The following CFAP20DC variants were observed in gnomAD, a reference collection of about 807,000 sequenced individuals.
The protein encoded by CFAP20DC is CFAP20 domain containing.
Under a neutral mutation model 101.7 loss-of-function variants are expected in CFAP20DC, and 84 were observed. The observed-to-expected ratio is 0.83, with a 90% CI of 0.69 to 0.99. CFAP20DC has a LOEUF of 0.99. Among genes scored for constraint, CFAP20DC ranks in the 50% least tolerant of loss-of-function variants. CFAP20DC has a pLI of 0.00. For missense variants in CFAP20DC, 1,007 were observed against 970.3 expected (o/e 1.04, Z -0.50); for synonymous variants, 359 against 351.2 (o/e 1.02, Z -0.25).
At chr3:58,941,964 A>G (rs2088667617) in intron 4 of CFAP20DC, among the ~76,000 whole-genome samples, 1 of 152,218 alleles carries the variant, frequency 6.6e-6, no homozygotes, top group South Asian at 2.1e-4. Context: ...ACAGGGAGAA[A>G]GTGTTCATTA....
chr3:58,755,737 T>C (rs960654977), intron 15 of CFAP20DC, among the ~76,000 whole-genome samples: 3 of 152,180 alleles, frequency 2.0e-5, no homozygotes, highest in African/African-American at 7.2e-5. Flanking sequence ...AGAACTACTG[T>C]ATATCCTTCA....
intron 4 of CFAP20DC, among the ~76,000 whole-genome samples, chr3:58,957,352 C>G (rs1016552424): frequency 2.6e-5 from 4 of 152,146 alleles, no homozygotes; most frequent in Non-Finnish European, 5.9e-5. Flanking sequence ...TAGGCAATAA[C>G]AAATGCTATC....
At chr3:58,819,440 TA>T (rs1222686865) in intron 14 of CFAP20DC, among the ~76,000 whole-genome samples, 4 of 149,878 alleles carry the variant, frequency 2.7e-5, no homozygotes, top group Non-Finnish European at 5.9e-5. Context: ...ATAGACACAA[TA>T]AAAAATGATA....
At chr3:58,901,759 A>C (rs1246917721) in intron 6 of CFAP20DC, among the ~76,000 whole-genome samples, 1 of 152,204 alleles carries the variant, frequency 6.6e-6, no homozygotes, top group African/African-American at 2.4e-5. Flanking sequence ...TGCTTTATTG[A>C]AGAGAAATTC....
chr3:59,004,451 T>C (rs1299670685), intron 4 of CFAP20DC, among the ~76,000 whole-genome samples: 1 of 152,148 alleles, frequency 6.6e-6, no homozygotes, highest in Non-Finnish European at 1.5e-5. Context: ...CCCTCTAGCA[T>C]TTACAGATAA....
intron 4 of CFAP20DC, among the ~76,000 whole-genome samples, chr3:58,945,388 G>C (rs2089204037): frequency 6.6e-6 from 1 of 152,104 alleles, no homozygotes; most frequent in Non-Finnish European, 1.5e-5. Flanking sequence ...CACAGTTCAT[G>C]TTTACCTTTT....
At chr3:58,822,772 T>C (rs971445492) in intron 14 of CFAP20DC, among the ~76,000 whole-genome samples, 1 of 152,174 alleles carries the variant, frequency 6.6e-6, no homozygotes, top group Non-Finnish European at 1.5e-5. Context: ...TGGATATTGA[T>C]GGAGTTCAGG....
Position 59,016,552 on chromosome 3 carries a change from GAAAT to G in CFAP20DC, c.278+23001_278+23004del, listed in dbSNP as rs374672034. ...GGATTGTGAATGTTTATTATACAAA[GAAAT>G]AATAAATGAGGTGATGAGTGTTAAT... is the stretch of plus-strand genomic sequence containing the variant. On this transcript the variant is annotated intron_variant, in intron 4 of 16. Coordinates refer to ENST00000482387, the MANE Select transcript of CFAP20DC (RefSeq NM_001394063.1). Among the ~76,000 whole-genome samples, 142 of 152,234 alleles carry G rather than the reference GAAAT, an allele frequency of 9.3e-4. 6 individuals carry two copies. In the South Asian group the frequency reaches 0.029, roughly 31 times the overall value.
At chr3:58,784,906 C>T (rs562007735) in intron 15 of CFAP20DC, among the ~76,000 whole-genome samples, 13 of 152,012 alleles carry the variant, frequency 8.6e-5, no homozygotes, top group Non-Finnish European at 1.0e-4. Context: ...AACTACCATT[C>T]GATCCAGCAA....
intron 15 of CFAP20DC, among the ~76,000 whole-genome samples, chr3:58,802,019 C>A (rs562313216): frequency 6.6e-6 from 1 of 152,258 alleles, no homozygotes; most frequent in Non-Finnish European, 1.5e-5. Flanking sequence ...TTCCTTCCTC[C>A]CTCCCCCTAA....
At chr3:58,723,544 T>C (rs1401362211) in intron 3 of CFAP20DC, among the ~76,000 whole-genome samples, 3 of 152,252 alleles carry the variant, frequency 2.0e-5, no homozygotes, top group Admixed American at 2.0e-4. Flanking sequence ...TGTACCTTCA[T>C]TGGAAACGAA....
At chr3:58,814,567 GTC>G (rs2074960456) in intron 14 of CFAP20DC, among the ~76,000 whole-genome samples, 1 of 151,290 alleles carries the variant, frequency 6.6e-6, no homozygotes, top group African/African-American at 2.5e-5. Context: ...AAGTCAAATT[GTC>G]TCTGTTTGCA....
At chr3:58,855,656 TA>T (rs918495803) in intron 12 of CFAP20DC, among the ~76,000 whole-genome samples, 2 of 152,038 alleles carry the variant, frequency 1.3e-5, no homozygotes, top group South Asian at 2.1e-4. Context: ...TATGCAGCCA[TA>T]AAAAATGATG....
intron 14 of CFAP20DC, among the ~76,000 whole-genome samples, chr3:58,809,197 C>T (rs1021001149): frequency 1.1e-4 from 16 of 152,102 alleles, no homozygotes; most frequent in African/African-American, 2.7e-4. Flanking sequence ...CTGCACCAAG[C>T]GGACCTAATA....
chr3:58,956,698 A>G (rs559464734), intron 4 of CFAP20DC, among the ~76,000 whole-genome samples: 72 of 152,306 alleles, frequency 4.7e-4, no homozygotes, highest in African/African-American at 1.7e-3. Flanking sequence ...GCTAATAAAG[A>G]CATACCCAAG....
intron 3 of CFAP20DC, among the ~76,000 whole-genome samples, chr3:59,041,521 G>A (rs981191412): frequency 1.2e-4 from 18 of 152,110 alleles, no homozygotes; most frequent in Admixed American, 8.5e-4. Flanking sequence ...CAGTGGCTTA[G>A]TATATTTAAA....
intron 5 of CFAP20DC, among the ~76,000 whole-genome samples, chr3:58,934,438 C>T (rs1180781593): frequency 1.3e-5 from 2 of 152,134 alleles, no homozygotes; most frequent in East Asian, 1.9e-4. Context: ...CAGCATCATC[C>T]TGATACCAAA....
intron 5 of CFAP20DC, among the ~76,000 whole-genome samples, chr3:58,925,722 T>C (rs1682952653): frequency 6.6e-6 from 1 of 152,174 alleles, no homozygotes; most frequent in African/African-American, 2.4e-5. Flanking sequence ...AGTTCTATTA[T>C]TGCACTGTCT....
At chr3:58,945,893 C>A (rs1490456746) in intron 4 of CFAP20DC, among the ~76,000 whole-genome samples, 2 of 151,768 alleles carry the variant, frequency 1.3e-5, no homozygotes, top group Non-Finnish European at 2.9e-5. Context: ...GATGAGGTTT[C>A]ACCACGTTGG....
Sources: allele counts gnomAD v4.1 joint callset (sites outside exome capture counted in the v4.1 genomes callset), GRCh38; gene constraint gnomAD v4.1.1; transcripts MANE v1.5; gene names NCBI Gene and HGNC (gene_info 2026-07-23, HGNC 2026-07-21).